The following EFHD1 variants were observed in gnomAD, a reference collection of about 807,000 sequenced individuals.
EFHD1 encodes EF-hand domain family member D1, also known as EF-hand domain-containing protein D1.
In EFHD1, 10 loss-of-function variants were observed where a neutral mutation model predicts 17.2. The observed-to-expected ratio is 0.58, with a 90% CI of 0.36 to 0.99. The LOEUF (loss-of-function observed/expected upper bound fraction) is 0.99, where lower values mean the gene tolerates loss of function less well. Ranked by LOEUF, EFHD1 falls within the 50% of genes least tolerant of loss-of-function variation. EFHD1 has a pLI of 0.01. For synonymous variants in EFHD1, 153 were observed against 142.0 expected (o/e 1.08, Z -0.55); for missense variants, 310 against 327.5 (o/e 0.95, Z 0.41).
intron 1 of EFHD1, among the ~76,000 whole-genome samples, chr2:232,610,342 C>T (rs1007335663): frequency 5.9e-5 from 9 of 152,208 alleles, no homozygotes; most frequent in Non-Finnish European, 1.0e-4. Flanking sequence ...CTCCTCCAGC[C>T]ACTGAGGAGA....
chr2:232,631,554 G>A (rs1442803541), upstream of EFHD1, among the ~76,000 whole-genome samples: 1 of 151,604 alleles, frequency 6.6e-6, no homozygotes, highest in African/African-American at 2.4e-5. Flanking sequence ...CAAGTGATGC[G>A]TCTGCCTCTG....
intron 1 of EFHD1, among the ~76,000 whole-genome samples, chr2:232,652,660 G>A (rs1694680762): frequency 2.0e-5 from 3 of 152,166 alleles, no homozygotes; most frequent in Admixed American, 2.0e-4. Context: ...AAAAGGATCA[G>A]TACATGAGAC....
chr2:232,614,708 G>A (rs1246983862), intron 1 of EFHD1, among the ~76,000 whole-genome samples: 2 of 152,174 alleles, frequency 1.3e-5, no homozygotes, highest in Non-Finnish European at 2.9e-5. Flanking sequence ...AGGCGCAGTG[G>A]CTAATGCCTG....
chr2:232,628,442 G>A (rs1330115548), intron 1 of EFHD1, among the ~76,000 whole-genome samples: 1 of 152,182 alleles, frequency 6.6e-6, no homozygotes, highest in African/African-American at 2.4e-5. Context: ...ATTTTGACTT[G>A]TTCAAGAAAG....
chr2:232,623,732 A>G (rs140082537), intron 1 of EFHD1, among the ~76,000 whole-genome samples: 23 of 151,870 alleles, frequency 1.5e-4, no homozygotes, highest in South Asian at 4.2e-4. Flanking sequence ...AAGAAAGAAA[A>G]AAAAGAAATA....
rs1695305427 is a variant in EFHD1, at chr2:232,682,408, C to G, written c.*689C>G. ...TCTTCCCAGCTCAGCCTTTTCCCCA[C>G]TCTTAAATACTGTACTACTTCACTG... On this transcript the variant is annotated 3_prime_UTR_variant, in exon 4 of 4. Coordinates refer to ENST00000264059, the MANE Select transcript of EFHD1 (RefSeq NM_025202.4). 1 of 152,410 alleles carries G rather than the reference C, an allele frequency of 6.6e-6. No individual in the cohort carries two copies. Among genetic ancestry groups the G allele is most frequent in the Non-Finnish European group, 1.5e-5 (1 of 68,124 alleles). The allele number at this position is 152,410 out of a possible 1,614,324, so 9.4% of individuals were successfully genotyped here.
intron 1 of EFHD1, among the ~76,000 whole-genome samples, chr2:232,610,437 T>C (rs1174176199): frequency 6.6e-6 from 1 of 152,162 alleles, no homozygotes; most frequent in Admixed American, 6.5e-5. Flanking sequence ...TCGCCAGGTG[T>C]GGTGGCACAT....
chr2:232,628,994 A>G (rs916616420), upstream of EFHD1, among the ~76,000 whole-genome samples: 3 of 145,454 alleles, frequency 2.1e-5, no homozygotes, highest in East Asian at 2.0e-4. Flanking sequence ...TGGGTGTTTC[A>G]GCCAACAGCC....
At chr2:232,608,345 G>C (rs1693756070) in intron 1 of EFHD1, among the ~76,000 whole-genome samples, 1 of 152,206 alleles carries the variant, frequency 6.6e-6, no homozygotes, top group Non-Finnish European at 1.5e-5. Flanking sequence ...ACTCCAGCCT[G>C]AGCGAGACTT....
At chr2:232,626,726 C>T (rs1694108873) in intron 1 of EFHD1, among the ~76,000 whole-genome samples, 1 of 152,056 alleles carries the variant, frequency 6.6e-6, no homozygotes, top group Non-Finnish European at 1.5e-5. Flanking sequence ...GCTCCCCTTT[C>T]AGGAAACATG....
Position 232,676,958 on chromosome 2 carries a change from C to T in EFHD1, c.585+4515C>T, listed in dbSNP as rs139341035. ...AAGGTTGCAGTGAGCTATGATCATACCACTGGACCACAGCCTGGGCAACAG... is the reference window on the plus strand; with the variant it reads ...AAGGTTGCAGTGAGCTATGATCATATCACTGGACCACAGCCTGGGCAACAG... On this transcript the variant is annotated intron_variant, in intron 3 of 3. Coordinates refer to ENST00000264059, the MANE Select transcript of EFHD1 (RefSeq NM_025202.4). Among the ~76,000 whole-genome samples the T allele has an allele frequency of 1.3e-3, 196 of 152,092 alleles. 1 individual carries two copies. Among genetic ancestry groups the T allele is most frequent in the African/African-American group, 4.5e-3 (186 of 41,462 alleles).
At chr2:232,646,436 CTTTTTTTTTTTT>C (rs71398729) in intron 1 of EFHD1, among the ~76,000 whole-genome samples, 32 of 67,178 alleles carry the variant, frequency 4.8e-4, no homozygotes, top group South Asian at 1.5e-3. Context: ...CTCTTCTCTT[CTTTTTTTTTTTT>C]TTTTTTTTTT....
chr2:232,615,312 AGTGTGTGTGTGTGTGT>A (rs35239145), intron 1 of EFHD1, among the ~76,000 whole-genome samples: 152 of 136,580 alleles, frequency 1.1e-3, no homozygotes, highest in African/African-American at 3.8e-3. Context: ...TGTCAACTAT[AGTGTGTGTGTGTGTGT>A]GTGTGTGTGT....
chr2:232,660,478 G>A (rs1694844387), intron 1 of EFHD1, among the ~76,000 whole-genome samples: 2 of 151,976 alleles, frequency 1.3e-5, no homozygotes, highest in Non-Finnish European at 2.9e-5. Flanking sequence ...GGGATTACAG[G>A]TGTGAGCCAC....
intron 2 of EFHD1, among the ~76,000 whole-genome samples, chr2:232,669,356 T>C (rs952732301): frequency 6.6e-5 from 10 of 152,206 alleles, no homozygotes; most frequent in African/African-American, 2.2e-4. Flanking sequence ...TTGCTGTGTC[T>C]CTTGCTTTGT....
intron 1 of EFHD1, among the ~76,000 whole-genome samples, chr2:232,652,261 A>G (rs1694669898): frequency 6.6e-6 from 1 of 152,188 alleles, no homozygotes; most frequent in Non-Finnish European, 1.5e-5. Context: ...GAATCCACAA[A>G]TATTCAGAAA....
chr2:232,638,176 T>G (rs951651919), intron 1 of EFHD1: 2 of 351,108 alleles, frequency 5.7e-6, no homozygotes, highest in African/African-American at 4.3e-5. Flanking sequence ...TAACGTGAGC[T>G]GGTGGAGCAG....
At chr2:232,640,327 C>G (rs558928429) in intron 1 of EFHD1, among the ~76,000 whole-genome samples, 1 of 152,210 alleles carries the variant, frequency 6.6e-6, no homozygotes, top group East Asian at 1.9e-4. Flanking sequence ...CGTGGCTGAG[C>G]TAGTGGGTCT....
intron 2 of EFHD1, among the ~76,000 whole-genome samples, chr2:232,670,467 T>C (rs1695045990): frequency 6.6e-6 from 1 of 152,090 alleles, no homozygotes; most frequent in Non-Finnish European, 1.5e-5. Context: ...GCCAATTTAT[T>C]TATTTAAAAG....
Sources: gnomAD v4.1 joint callset for allele counts (sites outside exome capture counted in the v4.1 genomes callset) on GRCh38, gnomAD v4.1.1 for gene constraint, MANE v1.5 for transcripts, NCBI Gene and HGNC (gene_info 2026-07-23, HGNC 2026-07-21) for gene names.